FAF1: variants seen among roughly 807,000 people sequenced by gnomAD.
FAF1 encodes the protein FAS-associated factor 1.
Under a neutral mutation model 92.5 loss-of-function variants are expected in FAF1, and 25 were observed. The ratio of observed to expected loss-of-function variants is 0.27; its 90% CI spans 0.20 to 0.38. The LOEUF is 0.38. Among genes scored for constraint, FAF1 ranks in the 10% least tolerant of loss-of-function variants. The pLI is 1.00. For missense variants in FAF1, 636 were observed against 793.3 expected, an observed-to-expected ratio of 0.80 and a Z score of 2.38; for synonymous variants, 234 against 273.2, an observed-to-expected ratio of 0.86 and a Z score of 1.42.
chr1:50,554,770 A>G (rs1649489176), intron 13 of FAF1, among the ~76,000 whole-genome samples: 1 of 152,188 alleles, frequency 6.6e-6, no homozygotes. Context: ...AACTGTATCC[A>G]AGTCAGAATA....
Position 50,535,489 on chromosome 1 carries a change from T to A in FAF1, c.1406-32A>T, listed in dbSNP as rs1346528312. 8 of 1,270,674 alleles carry A rather than the reference T, an allele frequency of 6.3e-6. 1 individual carries two copies. Among genetic ancestry groups the A allele is most frequent in the African/African-American group, 1.5e-5 (1 of 67,966 alleles). 78.7% of individuals were successfully genotyped at this position (1,270,674 alleles called of 1,614,324 possible). A position where few individuals can be genotyped will look rare whatever the true frequency, so the allele number is the denominator to read the frequency against. ...ACATATAGAGATTGCCAAACTTTTA[T>A]AATCATTTTATATATAACTTCAAAT... On this transcript the variant is annotated intron_variant, in intron 14 of 18. Transcript: ENST00000396153.
intron 14 of FAF1, among the ~76,000 whole-genome samples, 170 bp downstream of exon 14, chr1:50,539,422 A>C (rs933133001): frequency 6.6e-6 from 1 of 152,196 alleles, no homozygotes; most frequent in African/African-American, 2.4e-5. Flanking sequence ...ATTTTCATGC[A>C]GCATATTATT....
intron 1 of FAF1, among the ~76,000 whole-genome samples, chr1:50,884,359 A>G (rs1644639238): frequency 6.6e-6 from 1 of 151,350 alleles, no homozygotes; most frequent in African/African-American, 2.4e-5. Context: ...ACTAAAAAAA[A>G]AGAAAAAAAA....
chr1:50,500,545 GAAGTCT>G lies in FAF1; in HGVS notation c.1495-8750_1495-8745del, dbSNP rs1329055978. On this transcript the variant is annotated intron_variant, in intron 15 of 18. Coordinates refer to ENST00000396153, the MANE Select transcript of FAF1 (RefSeq NM_007051.3). Reference sequence around the variant, plus strand: ...CTGAAGTGGATCATAGACCAAATGTGAAGTCTAAAGCTATAATACTTATAAAGGAAA... The same window carrying G: ...CTGAAGTGGATCATAGACCAAATGTGAAAGCTATAATACTTATAAAGGAAA... Among the ~76,000 whole-genome samples the G allele has an allele frequency of 1.1e-4, 16 of 152,122 alleles. No homozygotes were observed. In the East Asian group the frequency reaches 3.1e-3, roughly 29 times the overall value.
chr1:50,491,459 TG>T (rs1371337760), intron 16 of FAF1, among the ~76,000 whole-genome samples: 1 of 152,240 alleles, frequency 6.6e-6, no homozygotes, highest in Non-Finnish European at 1.5e-5. Context: ...CAAAAATTGC[TG>T]GTTTCTATCA....
At chr1:50,523,103 CTTTA>C (rs1386563420) in intron 15 of FAF1, among the ~76,000 whole-genome samples, 1 of 152,084 alleles carries the variant, frequency 6.6e-6, no homozygotes, top group Admixed American at 6.6e-5. Context: ...TACTTCAATC[CTTTA>C]TTAAGGCTAA....
At chr1:50,531,437 AT>A (rs1648163508) in intron 15 of FAF1, among the ~76,000 whole-genome samples, 1 of 152,218 alleles carries the variant, frequency 6.6e-6, no homozygotes, top group South Asian at 2.1e-4. Flanking sequence ...ATATAAAAAA[AT>A]CAATCCATTT....
chr1:50,815,905 T>C (rs539750078), intron 2 of FAF1, among the ~76,000 whole-genome samples: 39 of 151,834 alleles, frequency 2.6e-4, no homozygotes, highest in African/African-American at 8.4e-4. Context: ...TGCATGCCTG[T>C]AGCCCCAGCT....
intron 4 of FAF1, among the ~76,000 whole-genome samples, chr1:50,752,929 C>A (rs1320962086): frequency 6.6e-6 from 1 of 152,168 alleles, no homozygotes; most frequent in Non-Finnish European, 1.5e-5. Context: ...AGTGTTCCAC[C>A]TGCCTCAGCC....
At chr1:50,947,714 T>C (rs1645181695) in intron 1 of FAF1, among the ~76,000 whole-genome samples, 1 of 152,244 alleles carries the variant, frequency 6.6e-6, no homozygotes, top group African/African-American at 2.4e-5. Context: ...CAATAAAAGC[T>C]AAACAAGAGC....
chr1:50,787,987 G>C lies in FAF1; in HGVS notation c.367+13C>G, dbSNP rs371653732. On this transcript the variant is annotated intron_variant, in intron 4 of 18. Transcript: ENST00000396153. ...ATTTATTTGTGAAGGCTTTATGGCA[G>C]GAAAAACCTTACCAACAGTACAGGT... The C allele has an allele frequency of 6.2e-6, 10 of 1,606,610 alleles. No homozygotes were observed. Among genetic ancestry groups the C allele is most frequent in the Non-Finnish European group, 7.7e-6 (9 of 1,173,492 alleles).
chr1:50,456,990 G>T (rs1233472914), intron 18 of FAF1, among the ~76,000 whole-genome samples: 22 of 151,966 alleles, frequency 1.4e-4, no homozygotes, highest in Admixed American at 1.4e-3. Flanking sequence ...TCTGCTTTTG[G>T]TTTTCCTAAG....
intron 8 of FAF1, among the ~76,000 whole-genome samples, chr1:50,652,138 G>C (rs973263451): frequency 1.3e-5 from 2 of 152,114 alleles, no homozygotes; most frequent in Admixed American, 1.3e-4. Flanking sequence ...GCAATAATGA[G>C]GCTAAAAGAA....
chr1:50,582,488 A>G, intron 12 of FAF1, 130 bp downstream of exon 12: 1 of 634,234 alleles, frequency 1.6e-6, no homozygotes, highest in South Asian at 2.1e-5. Flanking sequence ...TGACATACAA[A>G]TTCGTGAAGA....
At chr1:50,727,388 C>T (rs1228840305) in intron 6 of FAF1, among the ~76,000 whole-genome samples, 1 of 152,198 alleles carries the variant, frequency 6.6e-6, no homozygotes, top group Non-Finnish European at 1.5e-5. Flanking sequence ...TAGGATGATA[C>T]TCAATATATA....
rs143113861 is a variant in FAF1, at chr1:50,788,074, G to A, written c.293C>T (p.Pro98Leu). The A allele has an allele frequency of 2.5e-6, 4 of 1,614,112 alleles. No homozygotes were observed. The highest frequency in any genetic ancestry group is 1.7e-5 in the Admixed American group (1 of 60,012). ...TTCAACCCTGAAGTCCAGCATCCGA[G>A]GTTGCCTTTCTACAATCTGCCTGGA... ...MPSRQIVERQ[P>L]RMLDFRVEYR... is the part of the protein sequence containing the mutation. Residue 98 changes from proline to leucine, a missense_variant, in exon 4 of 19, where the codon CCT becomes CTT. Pro to Leu is a moderately conservative substitution (Grantham distance 98, BLOSUM62 -3). Around this residue, in one of 2 missense-constraint regions of FAF1, gnomAD observed 317 missense variants for 342.4 expected, o/e 0.93. Coordinates refer to ENST00000396153, the MANE Select transcript of FAF1 (RefSeq NM_007051.3).
chr1:50,788,675 CCAT>C, intron 3 of FAF1, among the ~76,000 whole-genome samples: 1 of 152,222 alleles, frequency 6.6e-6, no homozygotes, highest in Non-Finnish European at 1.5e-5. Flanking sequence ...GTATCTTTTT[CCAT>C]TTTGCCAAGA....
intron 7 of FAF1, among the ~76,000 whole-genome samples, chr1:50,687,816 T>C (rs1002265974): frequency 1.3e-5 from 2 of 151,528 alleles, no homozygotes; most frequent in Non-Finnish European, 2.9e-5. Context: ...CACGATCAGA[T>C]ACCACTTTAC....
chr1:50,692,285 GT>G, intron 7 of FAF1, among the ~76,000 whole-genome samples: 1 of 149,262 alleles, frequency 6.7e-6, no homozygotes, highest in Non-Finnish European at 1.5e-5. Flanking sequence ...GTGTGTGTGT[GT>G]GTGTGTGGTG....
Sources: gnomAD v4.1 joint callset for allele counts (sites outside exome capture counted in the v4.1 genomes callset) on GRCh38, gnomAD v4.1.1 for gene constraint, gnomAD v4.1.1 regional missense constraint, MANE v1.5 for transcripts, NCBI Gene and HGNC (gene_info 2026-07-23, HGNC 2026-07-21) for gene names.